Variants in ATMIN observed in about 807,000 individuals in gnomAD.
The protein encoded by ATMIN is ATM INteracting protein.
A neutral mutation model predicts 49.2 loss-of-function variants in ATMIN; 24 were observed. The observed-to-expected ratio is 0.49, with a 90% CI of 0.35 to 0.69. The LOEUF (loss-of-function observed/expected upper bound fraction) is 0.69. ATMIN is among the 30% of genes least tolerant of loss of function. ATMIN has a pLI of 0.00. For synonymous variants in ATMIN, 450 were observed against 392.5 expected, an observed-to-expected ratio of 1.15 and a Z score of -1.73; for missense variants, 1,037 against 1,005.5, an observed-to-expected ratio of 1.03 and a Z score of -0.42.
At chr16:81,036,359 G>A (rs1337961205) in intron 1 of ATMIN, among the ~76,000 whole-genome samples, 153 bp downstream of exon 1, 1 of 151,884 alleles carries the variant, frequency 6.6e-6, no homozygotes, top group Admixed American at 6.6e-5. Flanking sequence ...GGCCGGAGGC[G>A]GCTCTCGAAC....
At position 81,041,337 on chromosome 16, in the gene ATMIN, A is replaced by T. The variant is rs1218348537; in HGVS notation, c.337-19A>T. The T allele has an allele frequency of 1.3e-6, 2 of 1,589,754 alleles. No homozygotes were observed. The highest frequency in any genetic ancestry group is 2.7e-5 in the African/African-American group (2 of 73,154). On this transcript the variant is annotated intron_variant, in intron 1 of 3. Transcript: ENST00000299575. ...TTGTTTTTTTGAAATAATAATTTAAAGTAATTTTCCTTTTGCAGGATGGCA... is the reference window on the plus strand; with the variant it reads ...TTGTTTTTTTGAAATAATAATTTAATGTAATTTTCCTTTTGCAGGATGGCA...
chr16:81,042,243 G>C lies in ATMIN; in HGVS notation c.463-38G>C, dbSNP rs773302059. The C allele has an allele frequency of 1.1e-5, 18 of 1,583,058 alleles. No homozygotes were observed. The East Asian group carries it at 3.4e-4, about 30-fold the overall frequency. On this transcript the variant is annotated intron_variant, in intron 2 of 3. Transcript: ENST00000299575. ...GGTTTCTGAAATGTTTTGACCAGTTGCTGTTTTTCACCTTAGTCCCTTCTG... is the reference window on the plus strand; with the variant it reads ...GGTTTCTGAAATGTTTTGACCAGTTCCTGTTTTTCACCTTAGTCCCTTCTG...
Position 81,042,397 on chromosome 16 carries a change from C to A in ATMIN, c.579C>A (p.Cys193Ter). The A allele has an allele frequency of 3.1e-6, 5 of 1,614,158 alleles. No individual in the cohort carries two copies. Among genetic ancestry groups the A allele is most frequent in the Non-Finnish European group, 4.2e-6 (5 of 1,180,038 alleles). The change falls in exon 3 of 4, where the codon TGC (cysteine) becomes TGA (stop). Residue 193 changes from cysteine (C) to a stop codon, truncating the protein, a stop_gained. Transcript: ENST00000299575. LOFTEE classifies it high-confidence loss of function. Reference protein sequence around the residue: ...HAEDCGKTFRCTCGCPYASRT... With the variant: ...HAEDCGKTFR ...AGGACTGTGGCAAGACCTTCCGGTG[C>A]ACATGCGGCTGTCCCTACGCCAGTA...
At position 81,046,385 on chromosome 16, in the gene ATMIN, A is replaced by G. The variant is rs1452146992; in HGVS notation, c.*1415A>G. 6.6e-6 allele frequency: 1 copy of G among 152,244 alleles called. No individual in the cohort carries two copies. Among genetic ancestry groups the G allele is most frequent in the Non-Finnish European group, 1.5e-5 (1 of 68,038 alleles). 9.4% of individuals were successfully genotyped at this position (152,244 alleles called of 1,614,324 possible). A position where few individuals can be genotyped will look rare whatever the true frequency, so the allele number is the denominator to read the frequency against. ...AGAAAAAGTATCTAGCAAGGATATT[A>G]CTTGTGCCTTGAGGCTAGCAATTAT... On this transcript the variant is annotated 3_prime_UTR_variant, in exon 4 of 4. Transcript: ENST00000299575.
At position 81,037,628 on chromosome 16, in the gene ATMIN, GT is replaced by G. The variant is rs1455999244; in HGVS notation, c.336+1427del. On this transcript the variant is annotated intron_variant, in intron 1 of 3. Transcript: ENST00000299575. The stretch of plus-strand genomic sequence containing the variant: ...TAACTAAATCCTTTTCTTCCCTATT[GT>G]TTTTGTGTTTTTTTGTTTGTTTTTG... 7.6e-5 allele frequency: 41 copies of G among 536,538 alleles called. No homozygotes were observed. In the African/African-American group the frequency reaches 7.6e-4, roughly 10 times the overall value. 33.2% of individuals were successfully genotyped at this position (536,538 alleles called of 1,614,324 possible).
intron 1 of ATMIN, chr16:81,037,126 C>T (rs1297180282): frequency 2.4e-5 from 23 of 968,288 alleles, no homozygotes; most frequent in Admixed American, 6.2e-5. Context: ...CAGCCCCACC[C>T]CGGACCTGTT....
intron 1 of ATMIN, among the ~76,000 whole-genome samples, chr16:81,036,836 T>C (rs890154034): frequency 6.6e-6 from 1 of 152,106 alleles, no homozygotes; most frequent in African/African-American, 2.4e-5. Context: ...CCGCACCCCA[T>C]CAGTAGGAAT....
At chr16:81,037,707 C>T (rs890938448) in intron 1 of ATMIN, among the ~76,000 whole-genome samples, 2 of 151,740 alleles carry the variant, frequency 1.3e-5, no homozygotes, top group African/African-American at 4.8e-5. Context: ...GCCATCTCAG[C>T]TCACTGTAAC....
chr16:81,042,910 T>G (rs549366678), intron 3 of ATMIN, among the ~76,000 whole-genome samples: 1 of 152,340 alleles, frequency 6.6e-6, no homozygotes, highest in South Asian at 2.1e-4. Flanking sequence ...CTTAAAGATC[T>G]GAGTTGAGTT....
chr16:81,043,724 C>T lies in ATMIN; in HGVS notation c.1226C>T (p.Ser409Phe), dbSNP rs752917197. ...AACACGTGTCAAAAGAATAGCATTT[C>T]TTCAATCAACGTGCAGACAGATCTG... ...LGNTCQKNSI[S>F]SINVQTDLSY... The change falls in exon 4 of 4, where the codon TCT becomes TTT. Residue 409 changes from serine to phenylalanine, a missense_variant. Transcript: ENST00000299575. The T allele has an allele frequency of 8.1e-6, 13 of 1,614,124 alleles. No individual in the cohort carries two copies. The highest frequency in any genetic ancestry group is 1.3e-5 in the African/African-American group (1 of 74,944).
rs763012999 is a variant in ATMIN at position 81,043,590 on chromosome 16, G to C, written c.1092G>C (p.Glu364Asp). ...ATTCAGAGGCTTGCTCTCTTAAGGA[G>C]AGCCTACCTCTTTTCAAAATTGCTA... Reference protein sequence around the residue: ...GLDSEACSLKESLPLFKIANP... With the variant: ...GLDSEACSLKDSLPLFKIANP... Residue 364 changes from glutamate to aspartate, a missense_variant, in exon 4 of 4, where the codon GAG becomes GAC. Physicochemically the swap from Glu to Asp is conservative, Grantham distance 45 (BLOSUM62 2). Transcript: ENST00000299575. 6.2e-7 allele frequency: 1 copy of C among 1,614,112 alleles called. No homozygotes were observed. Among genetic ancestry groups the C allele is most frequent in the Non-Finnish European group, 8.5e-7 (1 of 1,180,038 alleles).
rs141788900 is a variant in ATMIN at position 81,037,755 on chromosome 16, C to T, written c.336+1549C>T. Among the ~76,000 whole-genome samples the T allele has an allele frequency of 8.5e-3, 1,298 of 152,144 alleles. 5 individuals carry two copies. The highest frequency in any genetic ancestry group is 0.014 in the Non-Finnish European group (984 of 67,998). On this transcript the variant is annotated intron_variant, in intron 1 of 3. Coordinates refer to ENST00000299575, the MANE Select transcript of ATMIN (RefSeq NM_015251.3). ...GGTTCAAGCAGTTCTCCTGCCTCAG[C>T]CTCCCTAGTAGCTGGGATTACAGGC...
In ATMIN at chr16:81,043,355, C is replaced by T; in HGVS notation, c.857C>T (p.Thr286Ile). Residue 286 changes from threonine to isoleucine, a missense_variant, in exon 4 of 4, where the codon ACA becomes ATA. Physicochemically the swap from Thr to Ile is moderately conservative, Grantham distance 89. Coordinates refer to ENST00000299575, the MANE Select transcript of ATMIN (RefSeq NM_015251.3). ...GSNTDKQTLT[T>I]PPRYPQKLLL... ...AACACTGACAAGCAGACTCTTACAA[C>T]ACCACCGAGATATCCTCAGAAGTTG... The T allele has an allele frequency of 6.2e-7, 1 of 1,610,384 alleles. No individual in the cohort carries two copies. The highest frequency in any genetic ancestry group is 8.5e-7 in the Non-Finnish European group (1 of 1,178,832).
Position 81,043,504 on chromosome 16 carries a change from T to C in ATMIN, c.1006T>C (p.Ser336Pro). ...TGTGGTGTTAGGTGTTGATCAGGGCTCTGCCACAGGGGCTGTGCACTTAAT... is the reference window on the plus strand; with the variant it reads ...TGTGGTGTTAGGTGTTGATCAGGGCCCTGCCACAGGGGCTGTGCACTTAAT... ...QPVVLGVDQG[S>P]ATGAVHLMPL... The change falls in exon 4 of 4, where the codon TCT (serine) becomes CCT (proline). Residue 336 changes from serine to proline, a missense_variant. Coordinates refer to ENST00000299575, the MANE Select transcript of ATMIN (RefSeq NM_015251.3). The C allele has an allele frequency of 1.2e-6, 2 of 1,614,168 alleles. No individual in the cohort carries two copies. The highest frequency in any genetic ancestry group is 1.7e-6 in the Non-Finnish European group (2 of 1,180,022).
intron 1 of ATMIN, 70 bp downstream of exon 1, chr16:81,036,276 C>G: frequency 2.8e-6 from 3 of 1,083,712 alleles, no homozygotes; most frequent in Middle Eastern, 3.9e-4. Flanking sequence ...CGCCGGCGCG[C>G]GAAGCCGGCC....
In ATMIN at chr16:81,043,350, T is replaced by A; in HGVS notation, c.852T>A (p.Leu284=). The A allele has an allele frequency of 6.2e-7, 1 of 1,609,352 alleles. No individual in the cohort carries two copies. Residue 284 remains leucine (L), a synonymous_variant, in exon 4 of 4, where the codon CTT becomes CTA. Transcript: ENST00000299575. ...SCGSNTDKQT[L]TTPPRYPQKL... The stretch of plus-strand genomic sequence containing the variant: ...GCTCTAACACTGACAAGCAGACTCT[T>A]ACAACACCACCGAGATATCCTCAGA...
chr16:81,043,121 G>T, intron 3 of ATMIN, 40 bp from the exon 4 acceptor site: 3 of 1,556,254 alleles, frequency 1.9e-6, no homozygotes, highest in Non-Finnish European at 1.7e-6. Context: ...GAAGAAAGTT[G>T]TATTTTAAGG....
rs2151740842 is a variant in ATMIN at position 81,044,026 on chromosome 16, C to A, written c.1528C>A (p.Gln510Lys). The A allele has an allele frequency of 6.2e-7, 1 of 1,614,092 alleles. No homozygotes were observed. The highest frequency in any genetic ancestry group is 8.5e-7 in the Non-Finnish European group (1 of 1,180,020). Residue 510 changes from glutamine (Q) to lysine (K), a missense_variant, in exon 4 of 4, where the codon CAA (glutamine) becomes AAA (lysine). Transcript: ENST00000299575. ...SPTDDHVQMD[Q>K]AGMCGDIFES... ...AACGGATGACCATGTACAGATGGAC[C>A]AAGCTGGAATGTGCGGAGACATTTT... is the stretch of plus-strand genomic sequence containing the variant.
Position 81,044,675 on chromosome 16 carries a change from A to G in ATMIN, c.2177A>G (p.His726Arg). The G allele has an allele frequency of 3.7e-6, 6 of 1,614,106 alleles. No homozygotes were observed. The highest frequency in any genetic ancestry group is 5.1e-6 in the Non-Finnish European group (6 of 1,180,020). ...PHLPLGSILK[H>R]SSFSVSTDSS... ...CTGCCTCTGGGAAGTATTCTGAAAC[A>G]CTCCAGCTTTTCCGTGAGTACTGAT... is the stretch of plus-strand genomic sequence containing the variant. The change falls in exon 4 of 4, where the codon CAC becomes CGC. Residue 726 changes from histidine (H) to arginine (R), a missense_variant. His to Arg is a conservative substitution (Grantham distance 29, BLOSUM62 0). Transcript: ENST00000299575.
Sources: allele counts gnomAD v4.1 joint callset (sites outside exome capture counted in the v4.1 genomes callset), GRCh38; gene constraint gnomAD v4.1.1; transcripts MANE v1.5; gene names NCBI Gene and HGNC (gene_info 2026-07-23, HGNC 2026-07-21).